Variants in DNAH11 observed in about 807,000 individuals in gnomAD.
DNAH11 encodes dynein axonemal heavy chain 11.
DNAH11 carries 442 observed loss-of-function variants against 526.0 expected under a neutral mutation model. The observed-to-expected ratio is 0.84, with a 90% CI of 0.78 to 0.91. The LOEUF is 0.91. Among genes scored for constraint, DNAH11 ranks in the 40% least tolerant of loss-of-function variants. DNAH11 has a pLI of 0.00. For synonymous variants in DNAH11, 2,461 were observed against 1,935.9 expected, an observed-to-expected ratio of 1.27 and a Z score of -7.12; for missense variants, 6,989 against 5,448.7, an observed-to-expected ratio of 1.28 and a Z score of -8.90.
Position 21,901,309 on chromosome 7 carries a change from ATGTTGCTGCACTGTTC to A in DNAH11, c.*56_*71del. On this transcript the variant is annotated 3_prime_UTR_variant, in exon 82 of 82. Coordinates refer to ENST00000409508, the MANE Select transcript of DNAH11 (RefSeq NM_001277115.2). ...TGGAGTGCAGTGAGGATTTTCTAGC[ATGTTGCTGCACTGTTC>A]CCATGCACATTATTCTAACTTTTTA... The A allele has an allele frequency of 6.7e-7, 1 of 1,500,800 alleles. No homozygotes were observed. Among genetic ancestry groups the A allele is most frequent in the South Asian group, 1.4e-5 (1 of 69,640 alleles). 93.0% of individuals were successfully genotyped at this position (1,500,800 alleles called of 1,614,324 possible).
At chr7:21,596,146 A>G (rs986403253) in intron 14 of DNAH11, among the ~76,000 whole-genome samples, 10 of 152,184 alleles carry the variant, frequency 6.6e-5, no homozygotes, top group African/African-American at 1.7e-4. Context: ...ATCAATGACA[A>G]TTTGCTAGGA....
intron 20 of DNAH11, among the ~76,000 whole-genome samples, chr7:21,610,984 G>A (rs947870151): frequency 1.3e-5 from 2 of 152,154 alleles, no homozygotes; most frequent in African/African-American, 4.8e-5. Context: ...GTTAAATTTA[G>A]GTGTCAACCT....
In DNAH11 at chr7:21,698,093, C is replaced by T. The variant is rs544467652; in HGVS notation, c.6060C>T (p.Ala2020=). Residue 2020 remains alanine, a synonymous_variant, in exon 36 of 82, where the codon GCC becomes GCT. Transcript: ENST00000409508. ...TTTTTAGACCCTGTGCCATGGTGGC[C>T]CCTGACATTGAGCTAATCTGTGAAA... ...KALFRPCAMV[A]PDIELICEIL... is the part of the protein sequence containing the mutation. 1 of 1,612,688 alleles carries T rather than the reference C, an allele frequency of 6.2e-7. No individual in the cohort carries two copies. The highest frequency in any genetic ancestry group is 1.1e-5 in the South Asian group (1 of 90,748).
At chr7:21,895,074 C>T (rs1784462065) in intron 79 of DNAH11, 75 bp downstream of exon 79, 1 of 1,224,338 alleles carries the variant, frequency 8.2e-7, no homozygotes, top group South Asian at 1.2e-5. Context: ...ATAATGCTTC[C>T]TAAGAACTAT....
chr7:21,670,674 C>A (rs1229513751), intron 30 of DNAH11, among the ~76,000 whole-genome samples: 1 of 152,036 alleles, frequency 6.6e-6, no homozygotes, highest in Admixed American at 6.6e-5. Flanking sequence ...TTGGAGATGC[C>A]CCTTATCAGA....
chr7:21,849,138 G>A (rs888882452), intron 66 of DNAH11, among the ~76,000 whole-genome samples: 4 of 152,184 alleles, frequency 2.6e-5, no homozygotes, highest in Admixed American at 1.3e-4. Context: ...ACCTGCCTCG[G>A]CCTCCCAAAG....
At chr7:21,899,585 G>A (rs1784670617) in intron 80 of DNAH11, 137 bp downstream of exon 80, 12 of 734,900 alleles carry the variant, frequency 1.6e-5, no homozygotes, top group East Asian at 2.5e-5. Flanking sequence ...GAAAGGACCA[G>A]CAGCTATAGA....
Position 21,803,601 on chromosome 7 carries a change from A to C in DNAH11, c.10165+2326A>C, listed in dbSNP as rs572820020. On this transcript the variant is annotated intron_variant, in intron 62 of 81. Transcript: ENST00000409508. ...TAACTCCACCCCACACCTCCTGCCCAAAAAAAAAAAAAAGTCTGGAAAAGT... is the reference window on the plus strand; with the variant it reads ...TAACTCCACCCCACACCTCCTGCCCCAAAAAAAAAAAAAGTCTGGAAAAGT... Among the ~76,000 whole-genome samples the C allele has an allele frequency of 5.0e-3, 197 of 39,448 alleles. 5 individuals are homozygous for C. In the South Asian group the frequency reaches 0.12, roughly 25 times the overall value. 25.9% of individuals were successfully genotyped at this position (39,448 alleles called of 152,430 possible). A position where few individuals can be genotyped will look rare whatever the true frequency, so the allele number is the denominator to read the frequency against.
intron 74 of DNAH11, among the ~76,000 whole-genome samples, chr7:21,878,401 A>T (rs1420386020): frequency 6.6e-6 from 1 of 152,164 alleles, no homozygotes; most frequent in East Asian, 1.9e-4. Flanking sequence ...GTATTAAGTG[A>T]TTTGTTAGAT....
chr7:21,738,231 C>T (rs529580367), intron 46 of DNAH11, among the ~76,000 whole-genome samples: 1 of 152,320 alleles, frequency 6.6e-6, no homozygotes, highest in African/African-American at 2.4e-5. Flanking sequence ...AGTGTCTACA[C>T]ACACTGTTCT....
At chr7:21,725,767 A>G (rs1304937901) in intron 44 of DNAH11, 44 bp from the exon 45 acceptor site, 5 of 1,551,598 alleles carry the variant, frequency 3.2e-6, no homozygotes, top group Non-Finnish European at 3.5e-6. Context: ...TTACAGTTTT[A>G]ATTACTTTGA....
intron 2 of DNAH11, among the ~76,000 whole-genome samples, chr7:21,550,565 T>C (rs184341528): frequency 1.4e-5 from 2 of 146,392 alleles, no homozygotes; most frequent in East Asian, 4.0e-4. Context: ...CAAGGCATTT[T>C]AAAGATTAGT....
chr7:21,730,840 C>T (rs1026324326), intron 45 of DNAH11, among the ~76,000 whole-genome samples: 11 of 152,050 alleles, frequency 7.2e-5, no homozygotes, highest in African/African-American at 2.7e-4. Flanking sequence ...AAGTATTCTT[C>T]CCATAAAAAA....
chr7:21,579,742 A>C (rs1784239285), intron 8 of DNAH11, among the ~76,000 whole-genome samples: 1 of 152,246 alleles, frequency 6.6e-6, no homozygotes, highest in African/African-American at 2.4e-5. Flanking sequence ...TTGTGAGTTA[A>C]AGGATTCTAA....
chr7:21,853,415 A>G (rs1229075879), intron 67 of DNAH11, among the ~76,000 whole-genome samples: 1 of 152,240 alleles, frequency 6.6e-6, no homozygotes, highest in Non-Finnish European at 1.5e-5. Context: ...TTTTCAAGTA[A>G]GTGAATATTA....
intron 54 of DNAH11, among the ~76,000 whole-genome samples, chr7:21,761,194 G>A (rs1259800348): frequency 2.0e-5 from 3 of 152,148 alleles, no homozygotes; most frequent in Non-Finnish European, 4.4e-5. Flanking sequence ...AAGGAAAGCT[G>A]GATGGCAGGA....
At chr7:21,702,858 A>G (rs557415677) in intron 37 of DNAH11, 56 bp downstream of exon 37, 5 of 1,430,824 alleles carry the variant, frequency 3.5e-6, no homozygotes, top group Middle Eastern at 1.7e-4. Context: ...CTTCACAGAC[A>G]TGAAAGTATA....
At chr7:21,746,002 T>C (rs1786134190) in intron 51 of DNAH11, among the ~76,000 whole-genome samples, 1 of 152,148 alleles carries the variant, frequency 6.6e-6, no homozygotes, top group Non-Finnish European at 1.5e-5. Flanking sequence ...ATAACAAAAA[T>C]GGAGAGGCAG....
At chr7:21,783,847 TATC>T (rs1026914383) in intron 57 of DNAH11, among the ~76,000 whole-genome samples, 10 of 152,200 alleles carry the variant, frequency 6.6e-5, no homozygotes, top group African/African-American at 1.7e-4. Context: ...TCTGGTTTCT[TATC>T]ATGTCCGTGG....
Sources: allele counts gnomAD v4.1 joint callset (sites outside exome capture counted in the v4.1 genomes callset), GRCh38; gene constraint gnomAD v4.1.1; transcripts MANE v1.5; gene names NCBI Gene and HGNC (gene_info 2026-07-23, HGNC 2026-07-21).